The following SIX4 variants were observed in gnomAD, a reference collection of about 807,000 sequenced individuals.
SIX4 encodes the protein SIX homeobox 4, also known as homeobox protein SIX4.
Under a neutral mutation model 51.5 loss-of-function variants are expected in SIX4, and 23 were observed. The ratio of observed to expected loss-of-function variants is 0.45; its 90% CI spans 0.32 to 0.63. The LOEUF (loss-of-function observed/expected upper bound fraction) is 0.63. Among genes scored for constraint, SIX4 ranks in the 30% least tolerant of loss-of-function variants. The pLI is 0.04. For missense variants in SIX4, 867 were observed against 984.0 expected (o/e 0.88, Z 1.59); for synonymous variants, 413 against 417.3 (o/e 0.99, Z 0.13).
chr14:60,713,438 A>C lies in SIX4; in HGVS notation c.2315T>G (p.Val772Gly), dbSNP rs1895858336. 3 of 1,610,786 alleles carry C rather than the reference A, an allele frequency of 1.9e-6. No individual in the cohort carries two copies. The highest frequency in any genetic ancestry group is 1.7e-4 in the Middle Eastern group (1 of 6,042). The part of the protein sequence containing the change: ...DKKELAKLQT[V>G]QLDEDMQDL ...GTCTTGCATATCTTCATCCAGCTGG[A>C]CAGTCTGGAGCTTGGCAAGCTCTTT... Residue 772 changes from valine to glycine, a missense_variant, in exon 3 of 3, where the codon GTC becomes GGC. Transcript: ENST00000216513.
chr14:60,717,047 T>G lies in SIX4; in HGVS notation c.1549+2713A>C, dbSNP rs183904762. ...GAAAACACTGCCTTCAACTTAAGTA[T>G]GCTTTAAAACTCTTATTTTTATTTA... On this transcript the variant is annotated intron_variant, in intron 2 of 2. Transcript: ENST00000216513. This position sits in a 1 kb window ranked among gnomAD's most constrained non-coding sequence, Gnocchi z 4.6. 261 of 293,542 alleles carry G rather than the reference T, an allele frequency of 8.9e-4. 2 individuals are homozygous for G. Among genetic ancestry groups the G allele is most frequent in the African/African-American group, 4.8e-3 (208 of 43,200 alleles). The allele number at this position is 293,542 out of a possible 1,614,324, so 18.2% of individuals were successfully genotyped here. A position where few individuals can be genotyped will look rare whatever the true frequency, so the allele number is the denominator to read the frequency against.
rs1477391885 is a variant in SIX4, at chr14:60,715,747, T to G, written c.1550-1544A>C. 4.6e-5 allele frequency among the ~76,000 whole-genome samples: 7 copies of G among 152,198 alleles called. 1 individual carries two copies. Among genetic ancestry groups the G allele is most frequent in the Admixed American group, 4.6e-4 (7 of 15,280 alleles). On this transcript the variant is annotated intron_variant, in intron 2 of 2. Coordinates refer to ENST00000216513, the MANE Select transcript of SIX4 (RefSeq NM_017420.5). ...ACTCTTTTGTTCCTGATTCCTTACA[T>G]AGGCATGAGATGATGGCAATTAGAT...
Position 60,720,928 on chromosome 14 carries a change from T to A in SIX4, c.864-483A>T. 1.0e-6 allele frequency: 1 copy of A among 982,486 alleles called. No homozygotes were observed. The highest frequency in any genetic ancestry group is 1.2e-6 in the Non-Finnish European group (1 of 826,746). 60.9% of individuals were successfully genotyped at this position (982,486 alleles called of 1,614,324 possible). A position where few individuals can be genotyped will look rare whatever the true frequency, so the allele number is the denominator to read the frequency against. On this transcript the variant is annotated intron_variant, in intron 1 of 2. Transcript: ENST00000216513. This position sits in a 1 kb window ranked among gnomAD's most constrained non-coding sequence, Gnocchi z 5.5. ...TGCCAAAGGAGCAGGAGGTAGGAAGTGCTCAGCTTTTCTTTTTTGGTCAGT... is the reference window on the plus strand; with the variant it reads ...TGCCAAAGGAGCAGGAGGTAGGAAGAGCTCAGCTTTTCTTTTTTGGTCAGT...
At chr14:60,715,003 G>C (rs1313273273) in intron 2 of SIX4, among the ~76,000 whole-genome samples, 1 of 150,620 alleles carries the variant, frequency 6.6e-6, no homozygotes, top group East Asian at 1.9e-4. Flanking sequence ...ATTAGATTCA[G>C]GGGGCATGTG....
intron 2 of SIX4, chr14:60,718,010 T>TA: frequency 4.3e-6 from 1 of 233,128 alleles, no homozygotes; most frequent in Non-Finnish European, 8.5e-6. Context: ...AGTCTCCGCC[T>TA]AAAAATAATA....
rs1469920140 is a variant in SIX4 at position 60,711,967 on chromosome 14, T to C, written c.*1440A>G. ...TGTGTTCAGAGTCTTGATAAAACTA[T>C]AGCCACGGCTTACAACATTATTAAA... On this transcript the variant is annotated 3_prime_UTR_variant, in exon 3 of 3. Coordinates refer to ENST00000216513, the MANE Select transcript of SIX4 (RefSeq NM_017420.5). The C allele has an allele frequency of 6.6e-6, 1 of 152,618 alleles. No homozygotes were observed. Among genetic ancestry groups the C allele is most frequent in the East Asian group, 1.9e-4 (1 of 5,206 alleles). The allele number at this position is 152,618 out of a possible 1,614,324, so 9.5% of individuals were successfully genotyped here. A position where few individuals can be genotyped will look rare whatever the true frequency, so the allele number is the denominator to read the frequency against.
At position 60,720,840 on chromosome 14, in the gene SIX4, A is replaced by G. The variant is rs1419265199; in HGVS notation, c.864-395T>C. ...ATGAGGTGGTCGGTCTTTCCTGTTT[A>G]GGAACTCCTTCCCCTCCCCTCAAAC... On this transcript the variant is annotated intron_variant, in intron 1 of 2. Transcript: ENST00000216513. This position sits in a 1 kb window ranked among gnomAD's most constrained non-coding sequence, Gnocchi z 5.5. 3 of 530,870 alleles carry G rather than the reference A, an allele frequency of 5.7e-6. No individual in the cohort carries two copies. The African/African-American group carries it at 6.2e-5, about 11-fold the overall frequency. The allele number at this position is 530,870 out of a possible 1,614,324, so 32.9% of individuals were successfully genotyped here.
intron 1 of SIX4, chr14:60,721,088 C>A: frequency 2.0e-6 from 2 of 985,552 alleles, no homozygotes; most frequent in Non-Finnish European, 2.4e-6. Flanking sequence ...TATGTGCAGT[C>A]GCCTTTGAAT....
chr14:60,723,437 T>A lies in SIX4; in HGVS notation c.638A>T (p.Lys213Ile). The change falls in exon 1 of 3, where the codon AAA (lysine) becomes ATA (isoleucine). Residue 213 changes from lysine (K) to isoleucine (I), a missense_variant. Transcript: ENST00000216513. Reference sequence around the variant, plus strand: ...CCAGATGGTGCGGGGCAGGGGGAATTTCCTGCGCAGCCGGTACTTGTCTAC... The same window carrying A: ...CCAGATGGTGCGGGGCAGGGGGAATATCCTGCGCAGCCGGTACTTGTCTAC... ...GAVDKYRLRRKFPLPRTIWDG... is the reference protein window; with the variant it reads ...GAVDKYRLRRIFPLPRTIWDG... The A allele has an allele frequency of 6.2e-7, 1 of 1,610,052 alleles. No homozygotes were observed. Among genetic ancestry groups the A allele is most frequent in the Non-Finnish European group, 8.5e-7 (1 of 1,179,860 alleles).
chr14:60,720,225 C>G lies in SIX4; in HGVS notation c.1084G>C (p.Val362Leu). ...ATAAAAGAATTTCCATTAAGGAAGA[C>G]AGGTGAAGTACTTGCAGGTACCAAG... ...GSLVPASTSP[V>L]FLNGNSFIQG... is the part of the protein sequence containing the mutation. The change falls in exon 2 of 3, where the codon GTC becomes CTC. Residue 362 changes from valine to leucine, a missense_variant. Coordinates refer to ENST00000216513, the MANE Select transcript of SIX4 (RefSeq NM_017420.5). The surrounding 1 kb of genome is among the most constrained non-coding windows in gnomAD (Gnocchi z 5.5). 6.2e-7 allele frequency: 1 copy of G among 1,614,224 alleles called. No homozygotes were observed. Among genetic ancestry groups the G allele is most frequent in the Non-Finnish European group, 8.5e-7 (1 of 1,180,044 alleles).
intron 1 of SIX4, chr14:60,721,006 A>C (rs1446086955): frequency 2.0e-6 from 2 of 985,916 alleles, no homozygotes; most frequent in Non-Finnish European, 2.4e-6. Flanking sequence ...ACTCCACCAG[A>C]CTGACAACTC....
At position 60,720,820 on chromosome 14, in the gene SIX4, G is replaced by T. The variant is rs1896006815; in HGVS notation, c.864-375C>A. On this transcript the variant is annotated intron_variant, in intron 1 of 2. Coordinates refer to ENST00000216513, the MANE Select transcript of SIX4 (RefSeq NM_017420.5). The surrounding 1 kb of genome is among the most constrained non-coding windows in gnomAD (Gnocchi z 5.5). ...CATAGAAAAAAACACCTTAAATGAG[G>T]TGGTCGGTCTTTCCTGTTTAGGAAC... 6.6e-6 allele frequency among the ~76,000 whole-genome samples: 1 copy of T among 152,166 alleles called. No homozygotes were observed. The highest frequency in any genetic ancestry group is 2.4e-5 in the African/African-American group (1 of 41,428).
In SIX4 at chr14:60,724,057, G is replaced by T. The variant is rs574877032; in HGVS notation, c.18C>A (p.Pro6=). The part of the protein sequence containing the change: MSSSS[P]TGQIASAADI... The stretch of plus-strand genomic sequence containing the variant: ...CCGCCGCACTTGCGATCTGCCCGGT[G>T]GGGGAGGAAGAGGACATTTTTTGTT... Residue 6 remains proline (P), a synonymous_variant, in exon 1 of 3, where the codon CCC becomes CCA. Transcript: ENST00000216513. 7 of 1,543,688 alleles carry T rather than the reference G, an allele frequency of 4.5e-6. No individual in the cohort carries two copies. Among genetic ancestry groups the T allele is most frequent in the Non-Finnish European group, 6.1e-6 (7 of 1,143,496 alleles).
rs1326004269 is a variant in SIX4 at position 60,712,687 on chromosome 14, T to G, written c.*720A>C. On this transcript the variant is annotated 3_prime_UTR_variant, in exon 3 of 3. Transcript: ENST00000216513. ...AACAGTAAGAAAACATATTTTTCAG[T>G]TCATAGCGCCTGAAGAGAAACATAT... 6.6e-6 allele frequency: 1 copy of G among 152,574 alleles called. No homozygotes were observed. Among genetic ancestry groups the G allele is most frequent in the African/African-American group, 2.4e-5 (1 of 41,446 alleles). The allele number at this position is 152,574 out of a possible 1,614,324, so 9.5% of individuals were successfully genotyped here. A position where few individuals can be genotyped will look rare whatever the true frequency, so the allele number is the denominator to read the frequency against.
Position 60,723,666 on chromosome 14 carries a change from G to A in SIX4, c.409C>T (p.Pro137Ser), listed in dbSNP as rs1486875481. 6.3e-7 allele frequency: 1 copy of A among 1,585,314 alleles called. No individual in the cohort carries two copies. Reference protein sequence around the residue: ...DRLARFLWSLPQSDLLRGNES... With the variant: ...DRLARFLWSLSQSDLLRGNES... Reference sequence around the variant, plus strand: ...TTGCCACGTAGCAGGTCGCTCTGGGGCAGGGACCACAGGAACCGGGCCAGG... The same window carrying A: ...TTGCCACGTAGCAGGTCGCTCTGGGACAGGGACCACAGGAACCGGGCCAGG... The change falls in exon 1 of 3, where the codon CCC becomes TCC. Residue 137 changes from proline (P) to serine (S), a missense_variant. Transcript: ENST00000216513.
At chr14:60,718,859 T>C (rs562959817) in intron 2 of SIX4, among the ~76,000 whole-genome samples, 18 of 152,308 alleles carry the variant, frequency 1.2e-4, no homozygotes, top group Admixed American at 1.2e-3. Context: ...AAGCAGACCT[T>C]TAAAGCCAAC....
intron 2 of SIX4, among the ~76,000 whole-genome samples, chr14:60,715,692 G>C (rs530270691): frequency 1.3e-5 from 2 of 152,196 alleles, no homozygotes; most frequent in East Asian, 3.9e-4. Context: ...CAATGTACAC[G>C]AATTAGACCC....
Position 60,717,589 on chromosome 14 carries a change from A to C in SIX4, c.1549+2171T>G, listed in dbSNP as rs770197509. 6.6e-6 allele frequency among the ~76,000 whole-genome samples: 1 copy of C among 152,204 alleles called. No individual in the cohort carries two copies. The highest frequency in any genetic ancestry group is 1.5e-5 in the Non-Finnish European group (1 of 68,036). ...CTTCTGAATTTGTAGAAATTATAACATATATAAAAGAGAATTTGATCTAAA... is the reference window on the plus strand; with the variant it reads ...CTTCTGAATTTGTAGAAATTATAACCTATATAAAAGAGAATTTGATCTAAA... On this transcript the variant is annotated intron_variant, in intron 2 of 2. Coordinates refer to ENST00000216513, the MANE Select transcript of SIX4 (RefSeq NM_017420.5). The surrounding 1 kb of genome is among the most constrained non-coding windows in gnomAD (Gnocchi z 4.6).
In SIX4 at chr14:60,723,600, G is replaced by T; in HGVS notation, c.475C>A (p.Gln159Lys). The change falls in exon 1 of 3, where the codon CAG becomes AAG. Residue 159 changes from glutamine to lysine, a missense_variant. By Grantham distance (53) the Gln-to-Lys change is moderately conservative (BLOSUM62 1). Transcript: ENST00000216513. ...LKARALVAFH[Q>K]GIYPELYSIL... ...CTGTAGAGCTCGGGGTAGATGCCCT[G>T]GTGGAAGGCCACGAGCGCCCGCGCC... The T allele has an allele frequency of 1.2e-6, 2 of 1,610,792 alleles. No individual in the cohort carries two copies. Among genetic ancestry groups the T allele is most frequent in the Non-Finnish European group, 1.7e-6 (2 of 1,179,116 alleles).
Sources: allele counts gnomAD v4.1 joint callset (sites outside exome capture counted in the v4.1 genomes callset), GRCh38; gene constraint gnomAD v4.1.1; non-coding constraint Gnocchi (gnomAD v3.1); transcripts MANE v1.5; gene names NCBI Gene and HGNC (gene_info 2026-07-23, HGNC 2026-07-21).